Variants in TMEM160 observed in about 807,000 individuals in gnomAD.
The protein encoded by TMEM160 is transmembrane protein 160.
Under a neutral mutation model 13.9 loss-of-function variants are expected in TMEM160, and 10 were observed. That is an observed-to-expected ratio of 0.72 (90% CI 0.45 to 1.22). The LOEUF is 1.22. TMEM160 is among the 50% of genes most tolerant of loss of function. The probability of loss-of-function intolerance (pLI) is 0.00; values close to 1 mark genes in which losing one functional copy is unlikely to be tolerated. For synonymous variants in TMEM160, 159 were observed against 134.8 expected, an observed-to-expected ratio of 1.18 and a Z score of -1.25; for missense variants, 287 against 283.2, an observed-to-expected ratio of 1.01 and a Z score of -0.10.
intron 1 of TMEM160, among the ~76,000 whole-genome samples, chr19:47,048,161 G>A (rs942659337): frequency 6.6e-6 from 1 of 152,004 alleles, no homozygotes; most frequent in Admixed American, 6.5e-5. Flanking sequence ...GCTGCCTCGC[G>A]CAACCCTACC....
At chr19:47,047,595 A>G in intron 1 of TMEM160, 1 of 984,792 alleles carries the variant, frequency 1.0e-6, no homozygotes, top group Non-Finnish European at 1.2e-6. Context: ...TCACACCTAT[A>G]ATCCCAGCAC....
At chr19:47,048,148 G>A (rs911202529) in intron 1 of TMEM160, among the ~76,000 whole-genome samples, 2 of 152,032 alleles carry the variant, frequency 1.3e-5, no homozygotes, top group Non-Finnish European at 2.9e-5. Context: ...GCGATTCTAC[G>A]AGGCTGCCTC....
Position 47,046,642 on chromosome 19 carries a change from G to T in TMEM160, c.252C>A (p.Ile84=). The change falls in exon 2 of 3, where the codon ATC becomes ATA. Residue 84 remains isoleucine, a synonymous_variant. Coordinates refer to ENST00000253047, the MANE Select transcript of TMEM160 (RefSeq NM_017854.2). ...WFRNGLLASG[I]GVISFMQSDM... ...CACTCTGCATGAAGGAGATGACCCC[G>T]ATGCCCGATGCCAGGAGGCCATTGC... 1.2e-6 allele frequency: 2 copies of T among 1,612,604 alleles called. No individual in the cohort carries two copies. Among genetic ancestry groups the T allele is most frequent in the Non-Finnish European group, 8.5e-7 (1 of 1,179,172 alleles).
intron 2 of TMEM160, 122 bp downstream of exon 2, chr19:47,046,471 T>G: frequency 1.1e-6 from 1 of 950,520 alleles, no homozygotes; most frequent in Non-Finnish European, 1.6e-6. Context: ...GGGGGAAGAA[T>G]GGGGGTTCTA....
At position 47,047,576 on chromosome 19, in the gene TMEM160, T is replaced by C. The variant is rs147371601; in HGVS notation, c.208+831A>G. On this transcript the variant is annotated intron_variant, in intron 1 of 2. Transcript: ENST00000253047. ...ATCTAGATGCCCGGTCCTGGCCTAG[T>C]GAGGTGACTCACACCTATAATCCCA... 6.1e-6 allele frequency: 6 copies of C among 984,456 alleles called. No homozygotes were observed. In the African/African-American group the frequency reaches 1.1e-4, roughly 17 times the overall value. 61.0% of individuals were successfully genotyped at this position (984,456 alleles called of 1,614,324 possible). A position where few individuals can be genotyped will look rare whatever the true frequency, so the allele number is the denominator to read the frequency against.
intron 1 of TMEM160, among the ~76,000 whole-genome samples, 191 bp downstream of exon 1, chr19:47,048,216 C>T (rs943914166): frequency 2.0e-5 from 3 of 152,214 alleles, no homozygotes; most frequent in African/African-American, 7.2e-5. Flanking sequence ...GGGTCCTCGT[C>T]CTCCCCGCAA....
intron 1 of TMEM160, chr19:47,047,903 C>G (rs1375414824): frequency 4.1e-6 from 4 of 985,072 alleles, no homozygotes; most frequent in Non-Finnish European, 4.8e-6. Flanking sequence ...TTCTGGACCT[C>G]GCCTCCGTCA....
At position 47,046,228 on chromosome 19, in the gene TMEM160, C is replaced by T. The variant is rs1019245486; in HGVS notation, c.326G>A (p.Cys109Tyr). 29 of 1,536,702 alleles carry T rather than the reference C, an allele frequency of 1.9e-5. No individual in the cohort carries two copies. The highest frequency in any genetic ancestry group is 2.5e-5 in the Non-Finnish European group (29 of 1,146,926). The part of the protein sequence containing the change: ...AYGFFLLGGL[C>Y]VVWGSASYAV... Reference sequence around the variant, plus strand: ...GTACGAGGCGCTGCCCCACACCACGCACAGGCCGCCCAGCAGGAAGAAGCC... The same window carrying T: ...GTACGAGGCGCTGCCCCACACCACGTACAGGCCGCCCAGCAGGAAGAAGCC... Residue 109 changes from cysteine (C) to tyrosine (Y), a missense_variant, in exon 3 of 3, where the codon TGC (cysteine) becomes TAC (tyrosine). By Grantham distance (194) the Cys-to-Tyr change is radical. Coordinates refer to ENST00000253047, the MANE Select transcript of TMEM160 (RefSeq NM_017854.2).
chr19:47,048,624 T>C lies in TMEM160; in HGVS notation c.-10A>G. 6.5e-7 allele frequency: 1 copy of C among 1,530,754 alleles called. No homozygotes were observed. 94.8% of individuals were successfully genotyped at this position (1,530,754 alleles called of 1,614,324 possible). A position where few individuals can be genotyped will look rare whatever the true frequency, so the allele number is the denominator to read the frequency against. On this transcript the variant is annotated 5_prime_UTR_variant, in exon 1 of 3. Transcript: ENST00000253047. ...ACCAGCCGCCTCCCATGATTCGCAC[T>C]ACGGCCGCCGCGCGCCGTACCGCCC...
Position 47,048,461 on chromosome 19 carries a change from C to A in TMEM160, c.154G>T (p.Val52Leu). ...GPRAGASPPP[V>L]SELDRADAWL... ...GCGTCCGCACGATCCAGCTCGGACACTGGGGGCGGCGAAGCCCCGGCGCGG... is the reference window on the plus strand; with the variant it reads ...GCGTCCGCACGATCCAGCTCGGACAATGGGGGCGGCGAAGCCCCGGCGCGG... The change falls in exon 1 of 3, where the codon GTG becomes TTG. Residue 52 changes from valine (V) to leucine (L), a missense_variant. Coordinates refer to ENST00000253047, the MANE Select transcript of TMEM160 (RefSeq NM_017854.2). 7.1e-7 allele frequency: 1 copy of A among 1,410,562 alleles called. No homozygotes were observed. The allele number at this position is 1,410,562 out of a possible 1,614,324, so 87.4% of individuals were successfully genotyped here.
intron 1 of TMEM160, among the ~76,000 whole-genome samples, 178 bp downstream of exon 1, chr19:47,048,229 C>G (rs2057091352): frequency 6.6e-6 from 1 of 152,212 alleles, no homozygotes; most frequent in South Asian, 2.1e-4. Context: ...CCCCGCAAGC[C>G]CATCCCCTCT....
At chr19:47,047,935 T>C (rs942734409) in intron 1 of TMEM160, 4 of 984,940 alleles carry the variant, frequency 4.1e-6, no homozygotes, top group Non-Finnish European at 4.8e-6. Flanking sequence ...CTCTGCAGCC[T>C]AGATCACCTC....
chr19:47,048,063 A>G (rs1008160022), intron 1 of TMEM160, among the ~76,000 whole-genome samples: 9 of 152,104 alleles, frequency 5.9e-5, no homozygotes, highest in African/African-American at 2.2e-4. Flanking sequence ...GGCCTCTGCA[A>G]TCGGGATGGA....
chr19:47,047,892 A>T (rs566932707), intron 1 of TMEM160: 1 of 984,452 alleles, frequency 1.0e-6, no homozygotes, highest in African/African-American at 1.8e-5. Flanking sequence ...AGTCCGCTCC[A>T]TTCTGGACCT....
At position 47,046,618 on chromosome 19, in the gene TMEM160, ACT is replaced by A. The variant is rs1205901478; in HGVS notation, c.274_275del (p.Ser92Ter). The A allele has an allele frequency of 6.2e-7, 1 of 1,612,216 alleles. No homozygotes were observed. Among genetic ancestry groups the A allele is most frequent in the African/African-American group, 1.3e-5 (1 of 74,352 alleles). Reference protein sequence around the residue: ...SGIGVISFMQSDMGREAAYGF... With the variant: ...SGIGVISFMQXDMGREAAYGF... ...CATATGCTGCTTCCCGACCCATGTC[ACT>A]CTGCATGAAGGAGATGACCCCGATG... On this transcript the variant is annotated frameshift_variant, in exon 2 of 3. Transcript: ENST00000253047. LOFTEE classifies it high-confidence loss of function.
At chr19:47,048,358 G>T in intron 1 of TMEM160, 49 bp downstream of exon 1, 3 of 1,420,480 alleles carry the variant, frequency 2.1e-6, no homozygotes, top group Non-Finnish European at 2.8e-6. Flanking sequence ...TCCCACGCGA[G>T]CCCGGGACCC....
rs1034145041 is a variant in TMEM160 at position 47,046,630 on chromosome 19, G to A, written c.264C>T (p.Ser88=). Reference sequence around the variant, plus strand: ...CCCGACCCATGTCACTCTGCATGAAGGAGATGACCCCGATGCCCGATGCCA... The same window carrying A: ...CCCGACCCATGTCACTCTGCATGAAAGAGATGACCCCGATGCCCGATGCCA... The part of the protein sequence containing the change: ...GLLASGIGVI[S]FMQSDMGREA... The change falls in exon 2 of 3, where the codon TCC becomes TCT. Residue 88 remains serine, a synonymous_variant. Coordinates refer to ENST00000253047, the MANE Select transcript of TMEM160 (RefSeq NM_017854.2). The A allele has an allele frequency of 1.2e-6, 2 of 1,613,498 alleles. No individual in the cohort carries two copies.
Position 47,048,393 on chromosome 19 carries a change from C to T in TMEM160, c.208+14G>A, listed in dbSNP as rs1219178590. The stretch of plus-strand genomic sequence containing the variant: ...CCCGTCCCATCCGCACCGCCCCCAC[C>T]CCTAGCCACCGACCTGTCTCGTGCG... On this transcript the variant is annotated intron_variant, in intron 1 of 2. Coordinates refer to ENST00000253047, the MANE Select transcript of TMEM160 (RefSeq NM_017854.2). 6.7e-7 allele frequency: 1 copy of T among 1,492,254 alleles called. No individual in the cohort carries two copies. The highest frequency in any genetic ancestry group is 8.9e-7 in the Non-Finnish European group (1 of 1,129,820). 92.4% of individuals were successfully genotyped at this position (1,492,254 alleles called of 1,614,324 possible). A position where few individuals can be genotyped will look rare whatever the true frequency, so the allele number is the denominator to read the frequency against.
Position 47,046,637 on chromosome 19 carries a change from A to G in TMEM160, c.257T>C (p.Val86Ala), listed in dbSNP as rs1209945177. 3 of 1,607,036 alleles carry G rather than the reference A, an allele frequency of 1.9e-6. No individual in the cohort carries two copies. The highest frequency in any genetic ancestry group is 1.1e-5 in the South Asian group (1 of 90,854). The change falls in exon 2 of 3, where the codon GTC becomes GCC. Residue 86 changes from valine to alanine, a missense_variant. Physicochemically the swap from Val to Ala is moderately conservative, Grantham distance 64 (BLOSUM62 0). Transcript: ENST00000253047. Reference protein sequence around the residue: ...RNGLLASGIGVISFMQSDMGR... With the variant: ...RNGLLASGIGAISFMQSDMGR... ...CATGTCACTCTGCATGAAGGAGATG[A>G]CCCCGATGCCCGATGCCAGGAGGCC...
Sources: allele counts gnomAD v4.1 joint callset (sites outside exome capture counted in the v4.1 genomes callset), GRCh38; gene constraint gnomAD v4.1.1; transcripts MANE v1.5; gene names NCBI Gene and HGNC (gene_info 2026-07-23, HGNC 2026-07-21).